Variants in PTPN9 observed in about 807,000 individuals in gnomAD.
PTPN9 encodes tyrosine-protein phosphatase non-receptor type 9.
PTPN9 carries 26 observed loss-of-function variants against 69.8 expected under a neutral mutation model. The observed-to-expected ratio is 0.37, with a 90% CI of 0.27 to 0.52. The LOEUF (loss-of-function observed/expected upper bound fraction) is 0.52, where lower values mean the gene tolerates loss of function less well. PTPN9 is among the 20% of genes least tolerant of loss of function. The pLI is 0.91. For synonymous variants in PTPN9, 274 were observed against 272.5 expected, an observed-to-expected ratio of 1.01 and a Z score of -0.05; for missense variants, 549 against 740.3, an observed-to-expected ratio of 0.74 and a Z score of 3.00.
intron 1 of PTPN9, among the ~76,000 whole-genome samples, chr15:75,540,830 C>T (rs559354336): frequency 9.2e-4 from 140 of 151,840 alleles, no homozygotes; most frequent in African/African-American, 3.2e-3. Flanking sequence ...GTAATCCAAG[C>T]ACTTTGGGAA....
In PTPN9 at chr15:75,470,726, T is replaced by A; in HGVS notation, c.1313A>T (p.Asn438Ile). 1.2e-6 allele frequency: 2 copies of A among 1,614,264 alleles called. No individual in the cohort carries two copies. Among genetic ancestry groups the A allele is most frequent in the Non-Finnish European group, 1.7e-6 (2 of 1,180,040 alleles). The change falls in exon 11 of 13, where the codon AAC becomes ATC. Residue 438 changes from asparagine (N) to isoleucine (I), a missense_variant. Transcript: ENST00000618819. ...FLTVTNLGVE[N>I]MNHYKKTTLE... ...CGTTGTTTTCTTATAATGATTCATGTTCTCCACGCCTAGATTGGTCACTGT... is the reference window on the plus strand; with the variant it reads ...CGTTGTTTTCTTATAATGATTCATGATCTCCACGCCTAGATTGGTCACTGT...
chr15:75,510,643 T>C (rs565512475), intron 5 of PTPN9, among the ~76,000 whole-genome samples: 1 of 146,732 alleles, frequency 6.8e-6, no homozygotes, highest in African/African-American at 2.5e-5. Flanking sequence ...AAAAAGTACT[T>C]TTTTTTTTTT....
chr15:75,527,048 G>C, intron 2 of PTPN9, 70 bp downstream of exon 2: 5 of 1,566,230 alleles, frequency 3.2e-6, no homozygotes, highest in Non-Finnish European at 4.4e-6. Flanking sequence ...TGTGTGTGTC[G>C]AGCATGACAG....
intron 1 of PTPN9, among the ~76,000 whole-genome samples, chr15:75,531,547 G>A (rs1034963687): frequency 3.3e-5 from 5 of 151,998 alleles, no homozygotes; most frequent in African/African-American, 9.7e-5. Context: ...AATTCCCCAG[G>A]AGACATGGTA....
rs991285887 is a variant in PTPN9 at position 75,541,446 on chromosome 15, G to A, written c.64-14185C>T. Among the ~76,000 whole-genome samples, 6 of 150,890 alleles carry A rather than the reference G, an allele frequency of 4.0e-5. No homozygotes were observed. The South Asian group carries it at 8.4e-4, about 21-fold the overall frequency. ...TTTTGAGACAGAGTCTCGCTCTGTC[G>A]CCCAGGCTGGAGTGCAGTGGCATGA... On this transcript the variant is annotated intron_variant, in intron 1 of 12. Coordinates refer to ENST00000618819, the MANE Select transcript of PTPN9 (RefSeq NM_002833.4).
chr15:75,573,485 G>A (rs1368278191), intron 1 of PTPN9, among the ~76,000 whole-genome samples: 2 of 152,154 alleles, frequency 1.3e-5, no homozygotes, highest in African/African-American at 4.8e-5. Flanking sequence ...TGCCTAGACA[G>A]AAAATGAGAC....
At chr15:75,538,551 G>A (rs956656144) in intron 1 of PTPN9, among the ~76,000 whole-genome samples, 2 of 151,886 alleles carry the variant, frequency 1.3e-5, no homozygotes, top group African/African-American at 4.8e-5. Context: ...ACAAAAATTC[G>A]CCCAGCATGA....
intron 7 of PTPN9, among the ~76,000 whole-genome samples, chr15:75,493,634 C>CT (rs1471018867): frequency 6.6e-6 from 1 of 151,870 alleles, no homozygotes; most frequent in Admixed American, 6.6e-5. Flanking sequence ...GTGGCACACG[C>CT]TTTGTAGTCC....
intron 1 of PTPN9, among the ~76,000 whole-genome samples, chr15:75,544,569 CA>C (rs1308642283): frequency 6.6e-6 from 1 of 152,006 alleles, no homozygotes; most frequent in Non-Finnish European, 1.5e-5. Context: ...CACACACACA[CA>C]AAAACAAGAA....
intron 1 of PTPN9, among the ~76,000 whole-genome samples, chr15:75,566,956 T>A (rs1258583393): frequency 6.6e-6 from 1 of 152,006 alleles, no homozygotes; most frequent in Admixed American, 6.5e-5. Flanking sequence ...TGCCACCACA[T>A]TCCAGCCTCG....
At chr15:75,487,861 G>GT (rs1388215309) in intron 8 of PTPN9, 1 of 152,222 alleles carries the variant, frequency 6.6e-6, no homozygotes, top group East Asian at 1.9e-4. Flanking sequence ...ATACAAGGCA[G>GT]TAAGTTTTCC....
chr15:75,554,005 CTTTT>C (rs72050060), intron 1 of PTPN9, among the ~76,000 whole-genome samples: 3 of 125,372 alleles, frequency 2.4e-5, no homozygotes, highest in Admixed American at 8.5e-5. Context: ...TACTTTCTTT[CTTTT>C]TTTTTTTTTT....
chr15:75,578,786 A>ACCG lies in PTPN9; in HGVS notation c.-13_-11dup. ...CGGTCGCGGGCTCCATCCCCCCGCC[A>ACCG]CCGCCGCCGGGCGGACAAAACTCGC... On this transcript the variant is annotated 5_prime_UTR_variant, in exon 1 of 13. Coordinates refer to ENST00000618819, the MANE Select transcript of PTPN9 (RefSeq NM_002833.4). 8.1e-7 allele frequency: 1 copy of ACCG among 1,237,470 alleles called. No individual in the cohort carries two copies. Among genetic ancestry groups the ACCG allele is most frequent in the Non-Finnish European group, 1.0e-6 (1 of 991,102 alleles). 76.7% of individuals were successfully genotyped at this position (1,237,470 alleles called of 1,614,324 possible).
At chr15:75,504,775 A>C (rs2074806938) in intron 7 of PTPN9, among the ~76,000 whole-genome samples, 1 of 139,622 alleles carries the variant, frequency 7.2e-6, no homozygotes, top group Non-Finnish European at 1.5e-5. Context: ...CTGCCCGGCC[A>C]GCCGCCCCGT....
intron 1 of PTPN9, among the ~76,000 whole-genome samples, chr15:75,566,678 CAAA>C (rs71140171): frequency 1.8e-5 from 2 of 112,762 alleles, no homozygotes. Context: ...CACTCTGTCT[CAAA>C]AAAAAAAAAA....
At chr15:75,481,084 G>A (rs1164944424) in intron 8 of PTPN9, among the ~76,000 whole-genome samples, 75 of 60,818 alleles carry the variant, frequency 1.2e-3, no homozygotes, top group African/African-American at 5.0e-3. Context: ...CTGCCCGGCC[G>A]CCCATCGTCT....
At chr15:75,481,163 A>AC (rs1187544037) in intron 8 of PTPN9, among the ~76,000 whole-genome samples, 4 of 63,648 alleles carry the variant, frequency 6.3e-5, no homozygotes, top group African/African-American at 1.4e-4. Flanking sequence ...CCCGGCCGAG[A>AC]CCCCCTCTGG....
chr15:75,477,051 T>C (rs892595045), intron 9 of PTPN9, among the ~76,000 whole-genome samples: 1 of 152,148 alleles, frequency 6.6e-6, no homozygotes, highest in South Asian at 2.1e-4. Flanking sequence ...AGAAATAAAG[T>C]CAGCAGTTTA....
At position 75,465,686 on chromosome 15, in the gene PTPN9, A is replaced by C. The variant is rs908727786; in HGVS notation, c.*3083T>G. 4 of 152,230 alleles carry C rather than the reference A, an allele frequency of 2.6e-5. No individual in the cohort carries two copies. Among genetic ancestry groups the C allele is most frequent in the African/African-American group, 9.6e-5 (4 of 41,454 alleles). The allele number at this position is 152,230 out of a possible 1,614,324, so 9.4% of individuals were successfully genotyped here. A position where few individuals can be genotyped will look rare whatever the true frequency, so the allele number is the denominator to read the frequency against. ...CCAAACCTGGATAATCCTGTCACTCACTAACAACCTACTGGATGGGCCCAG... is the reference window on the plus strand; with the variant it reads ...CCAAACCTGGATAATCCTGTCACTCCCTAACAACCTACTGGATGGGCCCAG... On this transcript the variant is annotated 3_prime_UTR_variant, in exon 13 of 13. Transcript: ENST00000618819.
Sources: allele counts gnomAD v4.1 joint callset (sites outside exome capture counted in the v4.1 genomes callset), GRCh38; gene constraint gnomAD v4.1.1; transcripts MANE v1.5; gene names NCBI Gene and HGNC (gene_info 2026-07-23, HGNC 2026-07-21).